The following PAM variants were observed in gnomAD, a reference collection of about 807,000 sequenced individuals.
PAM encodes peptidyl-glycine alpha-amidating monooxygenase.
In PAM, 72 loss-of-function variants were observed where a neutral mutation model predicts 122.1. That is an observed-to-expected ratio of 0.59 (90% CI 0.49 to 0.72). The LOEUF (loss-of-function observed/expected upper bound fraction) is 0.72, where lower values mean the gene tolerates loss of function less well. PAM is among the 30% of genes least tolerant of loss of function. PAM has a pLI of 0.00. For missense variants in PAM, 1,106 were observed against 1,183.7 expected (o/e 0.93, Z 0.96); for synonymous variants, 389 against 404.4 (o/e 0.96, Z 0.46).
At chr5:102,986,562 T>C (rs1351472779) in intron 15 of PAM, among the ~76,000 whole-genome samples, 1 of 152,014 alleles carries the variant, frequency 6.6e-6, no homozygotes, top group Non-Finnish European at 1.5e-5. Context: ...AAAACACTGA[T>C]GAAAGAAATT....
At chr5:102,935,679 T>C (rs1271569646) in intron 7 of PAM, among the ~76,000 whole-genome samples, 1 of 152,168 alleles carries the variant, frequency 6.6e-6, no homozygotes, top group African/African-American at 2.4e-5. Context: ...CTGCACTAGA[T>C]GTTTTCACAC....
rs748674825 is a variant in PAM, at chr5:102,932,130, A to C, written c.526+5462A>C. On this transcript the variant is annotated intron_variant, in intron 7 of 25. Transcript: ENST00000438793. Reference sequence around the variant, plus strand: ...ATTGTTTTCAATAGCCAAATTTTCCAGAATGCTAAGGTTTTAACCCTTTAA... The same window carrying C: ...ATTGTTTTCAATAGCCAAATTTTCCCGAATGCTAAGGTTTTAACCCTTTAA... 3.3e-5 allele frequency among the ~76,000 whole-genome samples: 5 copies of C among 152,208 alleles called. 1 individual carries two copies. Among genetic ancestry groups the C allele is most frequent in the Non-Finnish European group, 1.5e-5 (1 of 68,032 alleles).
chr5:102,825,070 A>T (rs1580600747), intron 1 of PAM, among the ~76,000 whole-genome samples: 1 of 152,334 alleles, frequency 6.6e-6, no homozygotes, highest in South Asian at 2.1e-4. Flanking sequence ...CTGAGCACTA[A>T]TGTTATGGTA....
intron 1 of PAM, among the ~76,000 whole-genome samples, chr5:102,846,620 G>A (rs190226795): frequency 6.6e-6 from 1 of 152,278 alleles, no homozygotes; most frequent in East Asian, 1.9e-4. Flanking sequence ...TGAAAGAGCA[G>A]GCCACTTCAT....
chr5:102,920,412 G>A, intron 5 of PAM, among the ~76,000 whole-genome samples: 1 of 152,020 alleles, frequency 6.6e-6, no homozygotes, highest in East Asian at 1.9e-4. Flanking sequence ...AACCTTATTG[G>A]AGCAAAGGAA....
intron 15 of PAM, among the ~76,000 whole-genome samples, chr5:102,975,090 C>T (rs115515074): frequency 0.011 from 1,690 of 152,280 alleles, 14 homozygotes; most frequent in Non-Finnish European, 0.016. Context: ...TTCAGGTTTC[C>T]GTACCAGCAA....
rs1212591326 is a variant in PAM at position 102,960,030 on chromosome 5, A to T, written c.1061A>T (p.Asp354Val). Residue 354 changes from aspartate to valine, a missense_variant, in exon 13 of 26, where the codon GAT becomes GTT. Asp to Val is a radical substitution (Grantham distance 152, BLOSUM62 -3). This residue lies in a region of PAM where 670 missense variants were observed against 690.3 expected (regional missense o/e 0.97). Transcript: ENST00000438793. ...AACATTCCAATTCCCGTGAAGTCTG[A>T]TATGGTTATGATGCATGAACATCAT... The part of the protein sequence containing the change: ...EANIPIPVKS[D>V]MVMMHEHHKE... The T allele has an allele frequency of 1.9e-6, 3 of 1,608,370 alleles. No individual in the cohort carries two copies. In the Admixed American group the frequency reaches 5.0e-5, roughly 27 times the overall value.
At chr5:102,948,005 C>G (rs559542650) in intron 8 of PAM, among the ~76,000 whole-genome samples, 1 of 152,172 alleles carries the variant, frequency 6.6e-6, no homozygotes, top group African/African-American at 2.4e-5. Context: ...TTAGTCTTTT[C>G]TCTTCAGACT....
intron 18 of PAM, among the ~76,000 whole-genome samples, chr5:103,005,800 A>C (rs1778777224): frequency 1.3e-5 from 2 of 152,338 alleles, no homozygotes; most frequent in South Asian, 4.2e-4. Context: ...TGATGAAGTC[A>C]CATTTGTCCC....
At chr5:103,010,417 A>G (rs1206571460) in intron 21 of PAM, among the ~76,000 whole-genome samples, 1 of 152,198 alleles carries the variant, frequency 6.6e-6, no homozygotes, top group Non-Finnish European at 1.5e-5. Context: ...TGTTTATTCT[A>G]ACGTGCTTTT....
chr5:102,761,472 A>G (rs1752351608), intron 1 of PAM, among the ~76,000 whole-genome samples: 1 of 152,196 alleles, frequency 6.6e-6, no homozygotes, highest in Non-Finnish European at 1.5e-5. Context: ...ACATAAGCAA[A>G]ACAAAAACAG....
At chr5:102,770,817 T>C (rs1755551067) in intron 1 of PAM, among the ~76,000 whole-genome samples, 1 of 152,124 alleles carries the variant, frequency 6.6e-6, no homozygotes, top group Admixed American at 6.6e-5. Context: ...TTTTTTAATG[T>C]ATCTTTGTCT....
At chr5:102,988,271 T>G (rs1041576620) in intron 15 of PAM, among the ~76,000 whole-genome samples, 2 of 151,402 alleles carry the variant, frequency 1.3e-5, no homozygotes, top group Non-Finnish European at 2.9e-5. Flanking sequence ...TACCTTTAAG[T>G]GCATACACCA....
chr5:102,792,475 A>C (rs368220486), intron 1 of PAM, among the ~76,000 whole-genome samples: 7 of 152,308 alleles, frequency 4.6e-5, no homozygotes, highest in Middle Eastern at 3.4e-3. Flanking sequence ...TCTATTTGCC[A>C]AGCAATTGGC....
In PAM at chr5:103,019,371, A is replaced by C. The variant is rs565658277; in HGVS notation, c.2432-419A>C. Among the ~76,000 whole-genome samples the C allele has an allele frequency of 2.2e-3, 331 of 152,318 alleles. 2 individuals carry two copies. Among genetic ancestry groups the C allele is most frequent in the Non-Finnish European group, 4.0e-3 (269 of 68,028 alleles). Reference sequence around the variant, plus strand: ...ATCTGGAACAGTAAGACTGCCACTGAACACTAAATCGGTGTCTCATTTATT... The same window carrying C: ...ATCTGGAACAGTAAGACTGCCACTGCACACTAAATCGGTGTCTCATTTATT... On this transcript the variant is annotated intron_variant, in intron 22 of 25. Coordinates refer to ENST00000438793, the MANE Select transcript of PAM (RefSeq NM_001177306.2).
At chr5:102,961,567 T>C (rs1237846415) in intron 14 of PAM, among the ~76,000 whole-genome samples, 1 of 151,956 alleles carries the variant, frequency 6.6e-6, no homozygotes, top group Non-Finnish European at 1.5e-5. Flanking sequence ...CTTAACCATT[T>C]AAATTATTGT....
intron 3 of PAM, among the ~76,000 whole-genome samples, chr5:102,876,709 A>G (rs995939266): frequency 6.6e-6 from 1 of 152,208 alleles, no homozygotes; most frequent in Non-Finnish European, 1.5e-5. Context: ...AAACATTACA[A>G]AAGGTTAGTT....
chr5:102,803,796 C>T (rs780620647), intron 1 of PAM, among the ~76,000 whole-genome samples: 6 of 152,204 alleles, frequency 3.9e-5, no homozygotes, highest in Admixed American at 1.3e-4. Context: ...ATGCAAGGCA[C>T]GGTGCTATGT....
intron 1 of PAM, among the ~76,000 whole-genome samples, chr5:102,832,746 A>C (rs1006254927): frequency 7.2e-5 from 11 of 152,114 alleles, no homozygotes; most frequent in Admixed American, 3.9e-4. Flanking sequence ...TAGTTGGAGG[A>C]ATAAGTCCCA....
Sources: allele counts gnomAD v4.1 joint callset (sites outside exome capture counted in the v4.1 genomes callset), GRCh38; gene constraint gnomAD v4.1.1; regional missense constraint gnomAD v4.1.1; transcripts MANE v1.5; gene names NCBI Gene and HGNC (gene_info 2026-07-23, HGNC 2026-07-21).